The following CSMD3 variants were observed in gnomAD, a reference collection of about 807,000 sequenced individuals.
The protein encoded by CSMD3 is CUB and Sushi multiple domains 3.
A neutral mutation model predicts 435.2 loss-of-function variants in CSMD3; 177 were observed. That is an observed-to-expected ratio of 0.41 (90% CI 0.36 to 0.46). The LOEUF (loss-of-function observed/expected upper bound fraction) is 0.46. Ranked by LOEUF, CSMD3 falls within the 20% of genes least tolerant of loss-of-function variation. The pLI is 0.34. For missense variants in CSMD3, 4,265 were observed against 4,504.6 expected (o/e 0.95, Z 1.52); for synonymous variants, 1,656 against 1,520.5 (o/e 1.09, Z -2.07).
intron 3 of CSMD3, among the ~76,000 whole-genome samples, chr8:113,268,877 A>G (rs60833998): frequency 6.6e-6 from 1 of 151,812 alleles, no homozygotes; most frequent in South Asian, 2.1e-4. Context: ...TTGATCCAAT[A>G]AAAAATTCAG....
intron 3 of CSMD3, among the ~76,000 whole-genome samples, chr8:113,174,853 A>G (rs1487980949): frequency 3.3e-5 from 5 of 151,882 alleles, no homozygotes; most frequent in Admixed American, 6.6e-5. Context: ...GAGTAAAGTC[A>G]GTAGTTAATA....
At chr8:112,557,933 T>C (rs1828271234) in intron 24 of CSMD3, among the ~76,000 whole-genome samples, 1 of 151,962 alleles carries the variant, frequency 6.6e-6, no homozygotes, top group South Asian at 2.1e-4. Flanking sequence ...TCAATTGGCA[T>C]CTGAAGTGTG....
chr8:113,231,015 T>G (rs1299054422), intron 3 of CSMD3, among the ~76,000 whole-genome samples: 1 of 151,386 alleles, frequency 6.6e-6, no homozygotes, highest in Non-Finnish European at 1.5e-5. Flanking sequence ...ATCTCAATTT[T>G]TTTTCTTTTG....
intron 24 of CSMD3, among the ~76,000 whole-genome samples, chr8:112,572,350 TAGAA>T (rs1181421041): frequency 6.6e-6 from 1 of 152,102 alleles, no homozygotes; most frequent in Admixed American, 6.6e-5. Context: ...TTTTAACAGG[TAGAA>T]AGAAAAGCAC....
At position 113,432,078 on chromosome 8, in the gene CSMD3, C is replaced by A. The variant is rs114251401; in HGVS notation, c.178+4599G>T. Among the ~76,000 whole-genome samples the A allele has an allele frequency of 2.6e-5, 4 of 151,990 alleles. No homozygotes were observed. The South Asian group carries it at 8.3e-4, about 31-fold the overall frequency. On this transcript the variant is annotated intron_variant, in intron 1 of 70. Transcript: ENST00000297405. ...AGCTGGCATCAGGTTTTCAAGATGC[C>A]GAAACCTTCTCCTTAATTATTTCTG...
intron 38 of CSMD3, among the ~76,000 whole-genome samples, chr8:112,355,026 T>C (rs1418895049): frequency 1.3e-5 from 2 of 152,188 alleles, no homozygotes; most frequent in Admixed American, 6.5e-5. Flanking sequence ...TGGAGTGGAA[T>C]AGAGAACTAA....
At chr8:112,798,541 C>G (rs917145797) in intron 13 of CSMD3, among the ~76,000 whole-genome samples, 1 of 151,768 alleles carries the variant, frequency 6.6e-6, no homozygotes, top group Non-Finnish European at 1.5e-5. Flanking sequence ...TATATCATCT[C>G]TGTGAATTGT....
At chr8:112,604,273 T>A (rs956465297) in intron 22 of CSMD3, among the ~76,000 whole-genome samples, 15 of 152,278 alleles carry the variant, frequency 9.9e-5, no homozygotes, top group African/African-American at 3.6e-4. Context: ...TTGTTCTTTT[T>A]GCTTAGGATG....
At chr8:112,702,743 G>C (rs1274790800) in intron 13 of CSMD3, among the ~76,000 whole-genome samples, 2 of 152,006 alleles carry the variant, frequency 1.3e-5, no homozygotes, top group African/African-American at 4.8e-5. Flanking sequence ...GCGTGAAGTA[G>C]GGTATTTCCC....
At chr8:112,345,276 G>C (rs966081799) in intron 41 of CSMD3, among the ~76,000 whole-genome samples, 6 of 152,090 alleles carry the variant, frequency 3.9e-5, no homozygotes, top group Non-Finnish European at 8.8e-5. Context: ...ATCTTGAAGA[G>C]ATATCTTCAA....
intron 1 of CSMD3, among the ~76,000 whole-genome samples, chr8:113,392,208 A>C (rs2133158753): frequency 6.6e-6 from 1 of 152,250 alleles, no homozygotes; most frequent in African/African-American, 2.4e-5. Context: ...TGATCCACAG[A>C]CAATACATAA....
intron 1 of CSMD3, among the ~76,000 whole-genome samples, chr8:113,330,790 G>A (rs1425062762): frequency 2.0e-5 from 3 of 151,866 alleles, no homozygotes; most frequent in African/African-American, 7.2e-5. Flanking sequence ...GGAAAAAATG[G>A]CAGAATTGAA....
At chr8:112,267,230 C>T (rs1192562774) in intron 59 of CSMD3, among the ~76,000 whole-genome samples, 1 of 152,056 alleles carries the variant, frequency 6.6e-6, no homozygotes, top group African/African-American at 2.4e-5. Context: ...TGAATAATGG[C>T]ATTTAAATTA....
At chr8:112,708,731 C>A (rs1295890171) in intron 13 of CSMD3, among the ~76,000 whole-genome samples, 3 of 90,440 alleles carry the variant, frequency 3.3e-5, no homozygotes, top group South Asian at 3.2e-4. Flanking sequence ...GCAAAAAAAA[C>A]CTACAAAAAA....
chr8:113,074,991 A>T (rs947389029), intron 5 of CSMD3, among the ~76,000 whole-genome samples: 1 of 151,706 alleles, frequency 6.6e-6, no homozygotes, highest in Non-Finnish European at 1.5e-5. Flanking sequence ...ATTATAATTT[A>T]TGATAATTTT....
intron 3 of CSMD3, among the ~76,000 whole-genome samples, chr8:113,211,206 C>T (rs2092830656): frequency 6.6e-6 from 1 of 152,104 alleles, no homozygotes; most frequent in African/African-American, 2.4e-5. Context: ...TATTTAAATA[C>T]ATAATAGAGA....
At chr8:113,064,467 G>C (rs1321452311) in intron 5 of CSMD3, among the ~76,000 whole-genome samples, 9 of 151,812 alleles carry the variant, frequency 5.9e-5, no homozygotes, top group Admixed American at 3.3e-4. Flanking sequence ...CAAAACTTGG[G>C]GTTTTTTAAA....
At chr8:112,877,075 A>C (rs1296040066) in intron 10 of CSMD3, among the ~76,000 whole-genome samples, 1 of 152,152 alleles carries the variant, frequency 6.6e-6, no homozygotes, top group Non-Finnish European at 1.5e-5. Context: ...CTCTTCAAGG[A>C]GAACTACAAA....
At chr8:112,750,753 T>C (rs1327125030) in intron 13 of CSMD3, among the ~76,000 whole-genome samples, 2 of 152,064 alleles carry the variant, frequency 1.3e-5, no homozygotes, top group African/African-American at 2.4e-5. Context: ...AACAATTCAA[T>C]TCCTGCTATT....
Sources: allele counts gnomAD v4.1 joint callset (sites outside exome capture counted in the v4.1 genomes callset), GRCh38; gene constraint gnomAD v4.1.1; transcripts MANE v1.5; gene names NCBI Gene and HGNC (gene_info 2026-07-23, HGNC 2026-07-21).